UBE2V2: variants seen among roughly 807,000 people sequenced by gnomAD.
The protein encoded by UBE2V2 is ubiquitin-conjugating enzyme E2 variant 2.
In UBE2V2, 9 loss-of-function variants were observed where a neutral mutation model predicts 17.2. That is an observed-to-expected ratio of 0.52 (90% CI 0.32 to 0.91). The LOEUF is 0.91. Ranked by LOEUF, UBE2V2 falls within the 40% of genes least tolerant of loss-of-function variation. The pLI is 0.04. For missense variants in UBE2V2, 133 were observed against 182.6 expected (o/e 0.73, Z 1.56); for synonymous variants, 61 against 57.5 (o/e 1.06, Z -0.28).
chr8:48,019,648 C>G (rs2091291745), intron 1 of UBE2V2, among the ~76,000 whole-genome samples: 2 of 151,758 alleles, frequency 1.3e-5, no homozygotes, highest in Admixed American at 1.3e-4. Flanking sequence ...AACCCCGTCT[C>G]TACTAAAAAT....
At chr8:48,058,287 T>G (rs1246481454) in intron 3 of UBE2V2, among the ~76,000 whole-genome samples, 1 of 151,748 alleles carries the variant, frequency 6.6e-6, no homozygotes, top group Non-Finnish European at 1.5e-5. Flanking sequence ...GCCAACATAG[T>G]GAAACCCTGT....
intron 1 of UBE2V2, among the ~76,000 whole-genome samples, chr8:48,029,002 A>G (rs896674477): frequency 6.6e-6 from 1 of 152,084 alleles, no homozygotes. Flanking sequence ...CTTCATTTAA[A>G]TGCAGATTCT....
At chr8:48,029,435 T>C (rs1177537811) in intron 1 of UBE2V2, among the ~76,000 whole-genome samples, 2 of 152,196 alleles carry the variant, frequency 1.3e-5, no homozygotes, top group Non-Finnish European at 2.9e-5. Flanking sequence ...TGAATTCTAG[T>C]TGATGCTCTG....
intron 2 of UBE2V2, among the ~76,000 whole-genome samples, chr8:48,045,706 T>C (rs1053682513): frequency 2.6e-5 from 4 of 152,194 alleles, no homozygotes; most frequent in Non-Finnish European, 5.9e-5. Flanking sequence ...GGGTGTGCCC[T>C]GCAAAGGCAC....
the UBE2V2 span, among the ~76,000 whole-genome samples, chr8:48,000,480 C>T: frequency 6.6e-6 from 1 of 152,150 alleles, no homozygotes; most frequent in African/African-American, 2.4e-5. Context: ...TTACCACCTG[C>T]AAGCCAACCA....
intron 1 of UBE2V2, among the ~76,000 whole-genome samples, chr8:48,010,781 T>A (rs2091223750): frequency 6.6e-6 from 1 of 150,862 alleles, no homozygotes; most frequent in Non-Finnish European, 1.5e-5. Context: ...CACTGCAACT[T>A]CCACCTCCCT....
the UBE2V2 span, among the ~76,000 whole-genome samples, chr8:47,998,620 G>C: frequency 2.0e-5 from 3 of 151,676 alleles, no homozygotes; most frequent in Non-Finnish European, 4.4e-5. Flanking sequence ...CTGGGACTTC[G>C]GCAGGTTCAG....
chr8:48,043,853 T>C (rs2091480713), intron 2 of UBE2V2, among the ~76,000 whole-genome samples: 1 of 152,212 alleles, frequency 6.6e-6, no homozygotes, highest in Non-Finnish European at 1.5e-5. Flanking sequence ...TGGCCCATTG[T>C]ACTTTGTCTT....
the UBE2V2 span, among the ~76,000 whole-genome samples, chr8:47,998,036 G>A: frequency 6.6e-6 from 1 of 151,958 alleles, no homozygotes; most frequent in Non-Finnish European, 1.5e-5. Flanking sequence ...AGAGAGTAAA[G>A]AAAGCCAGAA....
rs114158508 is a variant in UBE2V2 at position 48,016,443 on chromosome 8, T to G, written c.16+7973T>G. Among the ~76,000 whole-genome samples the G allele has an allele frequency of 1.6e-3, 241 of 152,230 alleles. 1 individual carries two copies. The highest frequency in any genetic ancestry group is 5.6e-3 in the African/African-American group (233 of 41,566). The stretch of plus-strand genomic sequence containing the variant: ...CATTCCCACCAACAGCATGCTTAGA[T>G]TATCCTTTATCACCACATACTCACC... On this transcript the variant is annotated intron_variant, in intron 1 of 3. Coordinates refer to ENST00000523111, the MANE Select transcript of UBE2V2 (RefSeq NM_003350.3).
rs1802579993 is a variant in UBE2V2 at position 48,060,705 on chromosome 8, G to A, written c.315G>A (p.Val105=). ...SGMVDARSIP[V]LAKWQNSYSI... ...AGGTGGATGCCCGGAGCATACCAGT[G>A]TTAGCAAAATGGCAAAATTCATATA... is the stretch of plus-strand genomic sequence containing the variant. Residue 105 remains valine, a synonymous_variant, in exon 4 of 4, where the codon GTG becomes GTA. Coordinates refer to ENST00000523111, the MANE Select transcript of UBE2V2 (RefSeq NM_003350.3). 2.0e-6 allele frequency: 3 copies of A among 1,521,348 alleles called. No individual in the cohort carries two copies. The highest frequency in any genetic ancestry group is 2.6e-6 in the Non-Finnish European group (3 of 1,135,796). 94.2% of individuals were successfully genotyped at this position (1,521,348 alleles called of 1,614,324 possible).
At chr8:48,007,870 AT>A (rs1321551889), upstream of UBE2V2, among the ~76,000 whole-genome samples, 3 of 151,220 alleles carry the variant, frequency 2.0e-5, no homozygotes, top group Non-Finnish European at 4.4e-5. Flanking sequence ...GTTCAAATTT[AT>A]TGTCCAACTC....
chr8:48,034,898 G>A (rs2091411193), intron 1 of UBE2V2: 2 of 330,364 alleles, frequency 6.1e-6, no homozygotes, highest in Admixed American at 6.5e-5. Context: ...GCTGGTGAAG[G>A]GATAGGCTTG....
intron 1 of UBE2V2, 137 bp from the exon 2 acceptor site, chr8:48,042,896 C>G (rs2091473487): frequency 1.2e-6 from 1 of 827,062 alleles, no homozygotes; most frequent in Non-Finnish European, 1.7e-6. Context: ...TTTTCTGGAG[C>G]AGAATGCTTT....
intron 3 of UBE2V2, among the ~76,000 whole-genome samples, chr8:48,060,142 G>A (rs1802571381): frequency 1.3e-5 from 2 of 150,016 alleles, no homozygotes; most frequent in Middle Eastern, 3.4e-3. Context: ...CCTGGGAGGC[G>A]GAAGTTGCAG....
At chr8:48,008,329 C>A, upstream of UBE2V2, 3 of 1,315,420 alleles carry the variant, frequency 2.3e-6, no homozygotes, top group South Asian at 5.4e-5. Context: ...CGCGCTGTCC[C>A]TCGGGTCGCC....
chr8:48,008,666 C>A, intron 1 of UBE2V2, 196 bp downstream of exon 1: 2 of 641,460 alleles, frequency 3.1e-6, no homozygotes, highest in Non-Finnish European at 2.1e-6. Context: ...GTTGGCGGGT[C>A]GTGCTCGCGC....
chr8:48,009,523 C>T (rs1351066506), intron 1 of UBE2V2, among the ~76,000 whole-genome samples: 1 of 152,154 alleles, frequency 6.6e-6, no homozygotes, highest in Non-Finnish European at 1.5e-5. Context: ...ACTTCGGCCT[C>T]CCAGAGTGCT....
intron 1 of UBE2V2, among the ~76,000 whole-genome samples, chr8:48,009,267 CTTTT>C (rs143794770): frequency 7.5e-6 from 1 of 133,774 alleles, no homozygotes; most frequent in Non-Finnish European, 1.6e-5. Context: ...CTTTTCTTTT[CTTTT>C]TTTTTTTTTT....
Sources: gnomAD v4.1 joint callset for allele counts (sites outside exome capture counted in the v4.1 genomes callset) on GRCh38, gnomAD v4.1.1 for gene constraint, MANE v1.5 for transcripts, NCBI Gene and HGNC (gene_info 2026-07-23, HGNC 2026-07-21) for gene names.